PKM: variants seen among roughly 807,000 people sequenced by gnomAD.
The protein encoded by PKM is pyruvate kinase M1/2, also known as pyruvate kinase PKM.
A neutral mutation model predicts 49.8 loss-of-function variants in PKM; 18 were observed. The ratio of observed to expected loss-of-function variants is 0.36; its 90% confidence interval spans 0.25 to 0.54. The LOEUF (loss-of-function observed/expected upper bound fraction) is 0.54. PKM is among the 20% of genes least tolerant of loss of function. The pLI, the probability that PKM is intolerant of heterozygous loss-of-function variation, is 0.89. For synonymous variants in PKM, 239 were observed against 261.8 expected, an observed-to-expected ratio of 0.91 and a Z score of 0.84; for missense variants, 508 against 713.8, an observed-to-expected ratio of 0.71 and a Z score of 3.28.
At chr15:72,215,293 G>T (rs535367760) in intron 3 of PKM, among the ~76,000 whole-genome samples, 1 of 152,250 alleles carries the variant, frequency 6.6e-6, no homozygotes, top group Admixed American at 6.5e-5. Flanking sequence ...GTTCTGCTCA[G>T]AAGAGCATTT....
At chr15:72,227,152 T>G (rs557490515) in intron 1 of PKM, among the ~76,000 whole-genome samples, 1 of 152,364 alleles carries the variant, frequency 6.6e-6, no homozygotes, top group African/African-American at 2.4e-5. Context: ...AAAATGGTCT[T>G]CATATATCTG....
At chr15:72,229,818 T>A in intron 1 of PKM, 1 of 511,262 alleles carries the variant, frequency 2.0e-6, no homozygotes, top group Non-Finnish European at 2.7e-6. Flanking sequence ...CGCGACAGAT[T>A]TCCTGCCCCC....
At position 72,210,392 on chromosome 15, in the gene PKM, A is replaced by G. The variant is rs2082219843; in HGVS notation, c.333T>C (p.Ala111=). 2 of 1,614,156 alleles carry G rather than the reference A, an allele frequency of 1.2e-6. No individual in the cohort carries two copies. Among genetic ancestry groups the G allele is most frequent in the Non-Finnish European group, 1.7e-6 (2 of 1,180,032 alleles). The part of the protein sequence containing the change: ...DPILYRPVAV[A]LDTKGPEIRT... Reference sequence around the variant, plus strand: ...GGATCTCAGGTCCTTTAGTGTCTAGAGCCACAGCAACGGGCCGGTAGAGGA... The same window carrying G: ...GGATCTCAGGTCCTTTAGTGTCTAGGGCCACAGCAACGGGCCGGTAGAGGA... The change falls in exon 4 of 11, where the codon GCT becomes GCC. Residue 111 remains alanine, a synonymous_variant. Transcript: ENST00000335181.
intron 3 of PKM, among the ~76,000 whole-genome samples, chr15:72,211,648 C>T (rs1041066663): frequency 6.6e-6 from 1 of 151,878 alleles, no homozygotes; most frequent in African/African-American, 2.4e-5. Context: ...GAAACCTCGT[C>T]TCTACAAAAA....
chr15:72,217,565 G>T (rs1370301648), intron 2 of PKM, 65 bp from the exon 3 acceptor site: 4 of 1,126,112 alleles, frequency 3.6e-6, no homozygotes, highest in Non-Finnish European at 4.0e-6. Context: ...ATTTAAGTTT[G>T]CTTAAGTTTA....
intron 1 of PKM, among the ~76,000 whole-genome samples, chr15:72,224,896 G>A (rs1384859779): frequency 6.7e-6 from 1 of 148,376 alleles, no homozygotes; most frequent in Non-Finnish European, 1.5e-5. Context: ...TAAAGGCTGA[G>A]CTGTATTTTC....
At chr15:72,206,501 A>T (rs2082081816) in intron 8 of PKM, 1 of 577,910 alleles carries the variant, frequency 1.7e-6, no homozygotes, top group Non-Finnish European at 3.1e-6. Flanking sequence ...GGATGCCTCC[A>T]GAGCAGAAGG....
At chr15:72,223,533 GT>G (rs1192522179) in intron 1 of PKM, among the ~76,000 whole-genome samples, 2 of 152,130 alleles carry the variant, frequency 1.3e-5, no homozygotes, top group African/African-American at 4.8e-5. Flanking sequence ...ACCTGCATCC[GT>G]TAGAAAGTCT....
chr15:72,225,609 GTGGT>G (rs2082646455), intron 1 of PKM, among the ~76,000 whole-genome samples: 1 of 152,150 alleles, frequency 6.6e-6, no homozygotes, highest in Non-Finnish European at 1.5e-5. Flanking sequence ...AATGCCCTAA[GTGGT>G]ATACTGTATA....
At chr15:72,227,288 C>G (rs752011685) in intron 1 of PKM, among the ~76,000 whole-genome samples, 1 of 152,236 alleles carries the variant, frequency 6.6e-6, no homozygotes, top group Non-Finnish European at 1.5e-5. Flanking sequence ...AAACTCTGCT[C>G]ACAGGGTCAA....
At chr15:72,214,251 A>T (rs903286230) in intron 3 of PKM, among the ~76,000 whole-genome samples, 1 of 152,192 alleles carries the variant, frequency 6.6e-6, no homozygotes, top group African/African-American at 2.4e-5. Flanking sequence ...GTGGCCTAAT[A>T]TATTTTTGTA....
Position 72,199,277 on chromosome 15 carries a change from G to A in PKM, c.*373C>T, listed in dbSNP as rs1179440041. 2.6e-6 allele frequency: 1 copy of A among 390,294 alleles called. No homozygotes were observed. The highest frequency in any genetic ancestry group is 6.5e-5 in the East Asian group (1 of 15,434). 24.2% of individuals were successfully genotyped at this position (390,294 alleles called of 1,614,324 possible). On this transcript the variant is annotated 3_prime_UTR_variant, in exon 11 of 11. Coordinates refer to ENST00000335181, the MANE Select transcript of PKM (RefSeq NM_002654.6). ...CTAAGGCCCCTAACTCTTGCTGGCT[G>A]TTTCTTGACCCCAAGCCAGGGTTGG... is the stretch of plus-strand genomic sequence containing the variant.
chr15:72,228,239 C>G (rs1164495978), intron 1 of PKM, among the ~76,000 whole-genome samples: 1 of 152,158 alleles, frequency 6.6e-6, no homozygotes, highest in African/African-American at 2.4e-5. Context: ...GCGGCTGTGC[C>G]CGCTACAAAA....
At chr15:72,206,604 T>C in intron 8 of PKM, 124 bp downstream of exon 8, 2 of 957,928 alleles carry the variant, frequency 2.1e-6, no homozygotes, top group African/African-American at 1.6e-5. Context: ...CTGCTGTAAC[T>C]TGGAGGATAA....
At chr15:72,228,484 T>G (rs2082749367) in intron 1 of PKM, 2 of 421,856 alleles carry the variant, frequency 4.7e-6, no homozygotes, top group Non-Finnish European at 9.1e-6. Context: ...CATTTTTAAT[T>G]AGGGGAAATG....
chr15:72,228,703 T>C (rs2082757727), intron 1 of PKM: 10 of 1,073,672 alleles, frequency 9.3e-6, no homozygotes, highest in Non-Finnish European at 1.0e-5. Context: ...AGCCCACTCC[T>C]GCCCCCACAG....
intron 8 of PKM, chr15:72,204,136 G>A (rs182100338): frequency 6.6e-6 from 1 of 152,190 alleles, no homozygotes; most frequent in East Asian, 1.9e-4. Flanking sequence ...CCAGAGGACA[G>A]GGGACATGAA....
At chr15:72,203,017 C>T (rs771187425) in intron 8 of PKM, 7 of 1,613,788 alleles carry the variant, frequency 4.3e-6, no homozygotes, top group Non-Finnish European at 5.9e-6. Context: ...CCCTTAGGGC[C>T]CTACCTGCCA....
Position 72,200,726 on chromosome 15 carries a change from A to G in PKM, c.1308-71T>C. The G allele has an allele frequency of 7.5e-7, 1 of 1,334,462 alleles. No homozygotes were observed. Among genetic ancestry groups the G allele is most frequent in the Non-Finnish European group, 1.1e-6 (1 of 947,378 alleles). 82.7% of individuals were successfully genotyped at this position (1,334,462 alleles called of 1,614,324 possible). A position where few individuals can be genotyped will look rare whatever the true frequency, so the allele number is the denominator to read the frequency against. On this transcript the variant is annotated intron_variant, in intron 9 of 10. Transcript: ENST00000335181. This position sits in a 1 kb window ranked among gnomAD's most constrained non-coding sequence, Gnocchi z 4.6. The stretch of plus-strand genomic sequence containing the variant: ...CCCAGGAAGTACCCTCAGGGCGTTC[A>G]AACAGCTCACCCTCTCATCCAGCTC...
Sources: allele counts gnomAD v4.1 joint callset (sites outside exome capture counted in the v4.1 genomes callset), GRCh38; gene constraint gnomAD v4.1.1; non-coding constraint Gnocchi (gnomAD v3.1); transcripts MANE v1.5; gene names NCBI Gene and HGNC (gene_info 2026-07-23, HGNC 2026-07-21).